The following KCTD5 variants were observed in gnomAD, a reference collection of about 807,000 sequenced individuals.
The protein encoded by KCTD5 is BTB/POZ domain-containing protein KCTD5.
Under a neutral mutation model 27.9 loss-of-function variants are expected in KCTD5, and 12 were observed. The observed-to-expected ratio is 0.43, with a 90% CI of 0.28 to 0.70. The LOEUF (loss-of-function observed/expected upper bound fraction) is 0.70, where lower values mean the gene tolerates loss of function less well. Among genes scored for constraint, KCTD5 ranks in the 30% least tolerant of loss-of-function variants. KCTD5 has a pLI of 0.19. For missense variants in KCTD5, 226 were observed against 274.8 expected (o/e 0.82, Z 1.26); for synonymous variants, 147 against 121.4 (o/e 1.21, Z -1.39).
chr16:2,693,287 G>A (rs914955792), intron 1 of KCTD5, among the ~76,000 whole-genome samples: 4 of 152,216 alleles, frequency 2.6e-5, no homozygotes, highest in Admixed American at 6.5e-5. Context: ...TCCCTGCAGC[G>A]GCAGGTATCA....
In KCTD5 at chr16:2,707,605, G is replaced by A; in HGVS notation, c.*278G>A. 1.6e-6 allele frequency: 1 copy of A among 608,948 alleles called. No individual in the cohort carries two copies. Among genetic ancestry groups the A allele is most frequent in the South Asian group, 2.0e-5 (1 of 50,882 alleles). 37.7% of individuals were successfully genotyped at this position (608,948 alleles called of 1,614,324 possible). ...TTTTCCAAGTGCCACGTGGGACTGA[G>A]GCAGACACTCCCAGTCAGCCCGCTC... On this transcript the variant is annotated 3_prime_UTR_variant, in exon 6 of 6. Coordinates refer to ENST00000301738, the MANE Select transcript of KCTD5 (RefSeq NM_018992.4).
intron 1 of KCTD5, 31 bp downstream of exon 1, chr16:2,682,831 C>G (rs1281202041): frequency 6.5e-7 from 1 of 1,544,626 alleles, no homozygotes. Flanking sequence ...CCCGGAGGGT[C>G]CTGGCCTTCC....
At chr16:2,699,654 GC>G (rs1372996933) in intron 3 of KCTD5, among the ~76,000 whole-genome samples, 166 bp from the exon 4 acceptor site, 1 of 152,206 alleles carries the variant, frequency 6.6e-6, no homozygotes, top group African/African-American at 2.4e-5. Context: ...AGCTGTTCGG[GC>G]CGCGTGTTTT....
intron 5 of KCTD5, among the ~76,000 whole-genome samples, chr16:2,706,715 G>A (rs573766482): frequency 6.6e-6 from 1 of 152,126 alleles, no homozygotes; most frequent in South Asian, 2.1e-4. Context: ...GGCTGACGTG[G>A]TACAGATGAG....
At chr16:2,687,631 G>A (rs2142051828) in intron 1 of KCTD5, among the ~76,000 whole-genome samples, 1 of 152,378 alleles carries the variant, frequency 6.6e-6, no homozygotes, top group Non-Finnish European at 1.5e-5. Context: ...CAGGGCTGTG[G>A]CCGTGATGGG....
At chr16:2,705,510 C>A (rs2067631757) in intron 5 of KCTD5, among the ~76,000 whole-genome samples, 1 of 152,178 alleles carries the variant, frequency 6.6e-6, no homozygotes, top group East Asian at 1.9e-4. Context: ...TAGTGGGTGA[C>A]CTTCCTGTCT....
intron 4 of KCTD5, among the ~76,000 whole-genome samples, chr16:2,700,750 A>C (rs376753316): frequency 2.6e-5 from 4 of 151,616 alleles, no homozygotes; most frequent in African/African-American, 7.3e-5. Context: ...AATGAAAGCT[A>C]CCTTTTCCTT....
chr16:2,707,448 G>T lies in KCTD5; in HGVS notation c.*121G>T, dbSNP rs181088513. 29 of 1,058,876 alleles carry T rather than the reference G, an allele frequency of 2.7e-5. No homozygotes were observed. The Admixed American group carries it at 5.2e-4, about 19-fold the overall frequency. The allele number at this position is 1,058,876 out of a possible 1,614,324, so 65.6% of individuals were successfully genotyped here. ...CTTTTGATCATTTTTCTAGAGATCT[G>T]GGTGTGAATCCTTTTTTGCCTCTGA... On this transcript the variant is annotated 3_prime_UTR_variant, in exon 6 of 6. Coordinates refer to ENST00000301738, the MANE Select transcript of KCTD5 (RefSeq NM_018992.4).
At chr16:2,702,329 G>A (rs1051317963) in intron 4 of KCTD5, 24 bp from the exon 5 acceptor site, 11 of 1,612,998 alleles carry the variant, frequency 6.8e-6, no homozygotes, top group South Asian at 5.5e-5. Flanking sequence ...ACTGGGCTGC[G>A]TCTCAGGCTA....
intron 1 of KCTD5, among the ~76,000 whole-genome samples, chr16:2,687,638 T>C (rs2067545765): frequency 6.6e-6 from 1 of 152,238 alleles, no homozygotes; most frequent in Admixed American, 6.5e-5. Flanking sequence ...GTGGCCGTGA[T>C]GGGGGCGCCT....
chr16:2,692,895 C>A (rs2142054402), intron 1 of KCTD5, among the ~76,000 whole-genome samples: 1 of 152,378 alleles, frequency 6.6e-6, no homozygotes, highest in South Asian at 2.1e-4. Flanking sequence ...TTTCTGGGCC[C>A]CCAAGAGTGC....
At position 2,699,452 on chromosome 16, in the gene KCTD5, C is replaced by T. The variant is rs77915210; in HGVS notation, c.454-369C>T. 5.0e-3 allele frequency: 1,803 copies of T among 359,748 alleles called. 32 individuals are homozygous for T. Among genetic ancestry groups the T allele is most frequent in the African/African-American group, 0.036 (1,702 of 46,944 alleles). 22.3% of individuals were successfully genotyped at this position (359,748 alleles called of 1,614,324 possible). ...TCGTCTGGCACTGGCTCTCAGGGCC[C>T]TGCTTGCCAGAGCCTTTCCCGACCG... On this transcript the variant is annotated intron_variant, in intron 3 of 5. Coordinates refer to ENST00000301738, the MANE Select transcript of KCTD5 (RefSeq NM_018992.4).
At chr16:2,707,093 G>A (rs750832512) in intron 5 of KCTD5, among the ~76,000 whole-genome samples, 1 of 152,118 alleles carries the variant, frequency 6.6e-6, no homozygotes, top group African/African-American at 2.4e-5. Flanking sequence ...AGCGCTCCCT[G>A]TGTGGGGCCT....
At chr16:2,701,594 C>T (rs1286785688) in intron 4 of KCTD5, among the ~76,000 whole-genome samples, 1 of 152,246 alleles carries the variant, frequency 6.6e-6, no homozygotes, top group East Asian at 1.9e-4. Context: ...ACAGGAGCAG[C>T]AGGTAGCTGC....
In KCTD5 at chr16:2,693,828, C is replaced by A. The variant is rs367905860; in HGVS notation, c.253-2107C>A. ...GCGGCCCCGAGCTACACGAGCTGGTCTCCCCCACCTTTTGCTCGTAAAGAA... is the reference window on the plus strand; with the variant it reads ...GCGGCCCCGAGCTACACGAGCTGGTATCCCCCACCTTTTGCTCGTAAAGAA... On this transcript the variant is annotated intron_variant, in intron 1 of 5. Transcript: ENST00000301738. Among the ~76,000 whole-genome samples the A allele has an allele frequency of 3.3e-5, 5 of 151,192 alleles. No individual in the cohort carries two copies. In the South Asian group the frequency reaches 6.3e-4, roughly 19 times the overall value.
At chr16:2,693,025 A>T (rs904067399) in intron 1 of KCTD5, among the ~76,000 whole-genome samples, 1 of 152,222 alleles carries the variant, frequency 6.6e-6, no homozygotes, top group Non-Finnish European at 1.5e-5. Context: ...CTGCAGCCCC[A>T]GGCAGCCCCA....
Position 2,702,361 on chromosome 16 carries a change from C to T in KCTD5, c.558C>T (p.Ser186=). 1 of 1,613,536 alleles carries T rather than the reference C, an allele frequency of 6.2e-7. No homozygotes were observed. The highest frequency in any genetic ancestry group is 8.5e-7 in the Non-Finnish European group (1 of 1,179,956). ...GCTATGTCTCCTTGCAGTTGGTCAGCATCGGCTCCTCTTACAACTATGGGA... is the reference window on the plus strand; with the variant it reads ...GCTATGTCTCCTTGCAGTTGGTCAGTATCGGCTCCTCTTACAACTATGGGA... ...SDGWKFEQLV[S]IGSSYNYGNE... The change falls in exon 5 of 6, where the codon AGC becomes AGT. Residue 186 remains serine (S), a synonymous_variant. Transcript: ENST00000301738.
At chr16:2,696,851 T>G (rs1257917655) in intron 2 of KCTD5, among the ~76,000 whole-genome samples, 1 of 152,210 alleles carries the variant, frequency 6.6e-6, no homozygotes, top group East Asian at 1.9e-4. Flanking sequence ...TCCCCACTCC[T>G]GTCTCTTTGG....
At chr16:2,692,018 C>T (rs1478053711) in intron 1 of KCTD5, among the ~76,000 whole-genome samples, 1 of 152,140 alleles carries the variant, frequency 6.6e-6, no homozygotes, top group African/African-American at 2.4e-5. Context: ...GTCCCTCTGT[C>T]AGGAGCCTGA....
Sources: allele counts gnomAD v4.1 joint callset (sites outside exome capture counted in the v4.1 genomes callset), GRCh38; gene constraint gnomAD v4.1.1; transcripts MANE v1.5; gene names NCBI Gene and HGNC (gene_info 2026-07-23, HGNC 2026-07-21).